ZBTB16: variants seen among roughly 807,000 people sequenced by gnomAD.
ZBTB16 encodes the protein zinc finger and BTB domain containing 16, also known as zinc finger and BTB domain-containing protein 16.
Under a neutral mutation model 56.8 loss-of-function variants are expected in ZBTB16, and 8 were observed. The ratio of observed to expected loss-of-function variants is 0.14; its 90% CI spans 0.08 to 0.25. ZBTB16 has a LOEUF of 0.25. Ranked by LOEUF, ZBTB16 falls within the 10% of genes least tolerant of loss-of-function variation. The pLI is 1.00. For missense variants in ZBTB16, 625 were observed against 903.0 expected (o/e 0.69, Z 3.95); for synonymous variants, 363 against 368.5 (o/e 0.98, Z 0.17).
rs1258517832 is a variant in ZBTB16, at chr11:114,252,081, AT to A, written c.*1527del. ...TGTGCAGGAGGAGTTGATACTCAGG[AT>A]CTGAATGTGAGGGCCGAGGAGGGCG... On this transcript the variant is annotated 3_prime_UTR_variant, in exon 7 of 7. Transcript: ENST00000335953. Among the ~76,000 whole-genome samples the A allele has an allele frequency of 6.6e-6, 1 of 152,016 alleles. No homozygotes were observed. The highest frequency in any genetic ancestry group is 1.9e-4 in the East Asian group (1 of 5,178).
chr11:114,112,587 C>T (rs1362875765), intron 2 of ZBTB16, among the ~76,000 whole-genome samples: 1 of 152,030 alleles, frequency 6.6e-6, no homozygotes, highest in Non-Finnish European at 1.5e-5. Context: ...AAATATTGTC[C>T]TTTTGGCATG....
At chr11:114,149,188 T>A (rs753520285) in intron 2 of ZBTB16, among the ~76,000 whole-genome samples, 1 of 152,078 alleles carries the variant, frequency 6.6e-6, no homozygotes, top group Non-Finnish European at 1.5e-5. Context: ...GTTGCAGAGG[T>A]GTCAAGTGAA....
intron 3 of ZBTB16, among the ~76,000 whole-genome samples, chr11:114,176,920 A>G (rs1830409418): frequency 6.6e-6 from 1 of 152,130 alleles, no homozygotes; most frequent in Admixed American, 6.5e-5. Context: ...TCCAGATAGC[A>G]TAATATCATG....
chr11:114,235,627 TTCC>T (rs1286690010), intron 4 of ZBTB16, among the ~76,000 whole-genome samples: 2 of 66,220 alleles, frequency 3.0e-5, no homozygotes, highest in East Asian at 4.9e-4. Flanking sequence ...TCCCTCTCCC[TTCC>T]TTTCTTTCTT....
Position 114,250,246 on chromosome 11 carries a change from G to A in ZBTB16, c.1793-80G>A. 1 of 1,519,338 alleles carries A rather than the reference G, an allele frequency of 6.6e-7. No homozygotes were observed. Among genetic ancestry groups the A allele is most frequent in the Non-Finnish European group, 9.0e-7 (1 of 1,108,088 alleles). The allele number at this position is 1,519,338 out of a possible 1,614,324, so 94.1% of individuals were successfully genotyped here. Reference sequence around the variant, plus strand: ...CCAGCTGGAGGAACCCAGCTTCCCTGGCACGCCTGAGGGTGACATGGTGCC... The same window carrying A: ...CCAGCTGGAGGAACCCAGCTTCCCTAGCACGCCTGAGGGTGACATGGTGCC... On this transcript the variant is annotated intron_variant, in intron 6 of 6. Transcript: ENST00000335953. This position sits in a 1 kb window ranked among gnomAD's most constrained non-coding sequence, Gnocchi z 6.0.
intron 3 of ZBTB16, among the ~76,000 whole-genome samples, chr11:114,172,055 T>C (rs890730861): frequency 6.6e-6 from 1 of 152,202 alleles, no homozygotes; most frequent in African/African-American, 2.4e-5. Flanking sequence ...TTCCAGGCCT[T>C]GGACGTGCCT....
chr11:114,167,375 C>T (rs1467593321), intron 3 of ZBTB16, among the ~76,000 whole-genome samples: 7 of 108,004 alleles, frequency 6.5e-5, no homozygotes, highest in Admixed American at 1.0e-4. Context: ...GAAACCAGGG[C>T]GAGTTTTTTT....
intron 2 of ZBTB16, among the ~76,000 whole-genome samples, chr11:114,095,258 T>TCTTTC (rs1565622481): frequency 2.2e-5 from 3 of 134,986 alleles, no homozygotes; most frequent in Admixed American, 7.3e-5. Flanking sequence ...TTTTTTTTTT[T>TCTTTC]TTTTTTTTTT....
At chr11:114,103,271 T>C (rs1283997045) in intron 2 of ZBTB16, among the ~76,000 whole-genome samples, 2 of 152,140 alleles carry the variant, frequency 1.3e-5, no homozygotes, top group Non-Finnish European at 2.9e-5. Flanking sequence ...TGACCTGGAA[T>C]TCAGAAGGTG....
At chr11:114,223,451 A>G (rs1944276762) in intron 4 of ZBTB16, among the ~76,000 whole-genome samples, 1 of 152,238 alleles carries the variant, frequency 6.6e-6, no homozygotes, top group Admixed American at 6.5e-5. Flanking sequence ...GAAGTTGGTC[A>G]GAGTCAGATA....
chr11:114,204,605 C>T (rs1943813720), intron 4 of ZBTB16, among the ~76,000 whole-genome samples: 1 of 152,124 alleles, frequency 6.6e-6, no homozygotes, highest in Non-Finnish European at 1.5e-5. Flanking sequence ...TCTGATGTTC[C>T]TTACTTGTGC....
At chr11:114,192,487 C>G (rs999001102) in intron 4 of ZBTB16, among the ~76,000 whole-genome samples, 3 of 152,146 alleles carry the variant, frequency 2.0e-5, no homozygotes, top group African/African-American at 7.2e-5. Context: ...AGGAAGAACA[C>G]CAGTCAGCTG....
chr11:114,162,915 C>T (rs1433238894), intron 3 of ZBTB16, among the ~76,000 whole-genome samples: 2 of 152,104 alleles, frequency 1.3e-5, no homozygotes, highest in East Asian at 1.9e-4. Context: ...GCTTGCTTCC[C>T]GAACTTTTTC....
chr11:114,079,689 A>T (rs921377299), intron 2 of ZBTB16, among the ~76,000 whole-genome samples: 2 of 152,196 alleles, frequency 1.3e-5, no homozygotes, highest in South Asian at 4.1e-4. Flanking sequence ...TCTGTTGACT[A>T]TAGTGAGTGA....
At chr11:114,105,200 C>T (rs767568607) in intron 2 of ZBTB16, among the ~76,000 whole-genome samples, 3 of 151,790 alleles carry the variant, frequency 2.0e-5, no homozygotes, top group Middle Eastern at 3.4e-3. Flanking sequence ...GAGCCTGGCT[C>T]GACAGCCCAA....
At chr11:114,167,243 T>TTTG (rs1942796346) in intron 3 of ZBTB16, among the ~76,000 whole-genome samples, 4 of 139,102 alleles carry the variant, frequency 2.9e-5, no homozygotes, top group South Asian at 2.4e-4. Context: ...TTTTTTTTTT[T>TTTG]TTTTTTTTTT....
At position 114,253,891 on chromosome 11, in the gene ZBTB16, C is replaced by T. The variant is rs1944957348; in HGVS notation, c.*3336C>T. ...CAGGTGGGATCTGAATATCTGTCCTCCCCTCTTCTTCATGCCACCTGACTC... is the reference window on the plus strand; with the variant it reads ...CAGGTGGGATCTGAATATCTGTCCTTCCCTCTTCTTCATGCCACCTGACTC... On this transcript the variant is annotated 3_prime_UTR_variant, in exon 7 of 7. Transcript: ENST00000335953. 6.6e-6 allele frequency among the ~76,000 whole-genome samples: 1 copy of T among 152,136 alleles called. No individual in the cohort carries two copies. The highest frequency in any genetic ancestry group is 1.5e-5 in the Non-Finnish European group (1 of 68,036).
At chr11:114,125,692 C>A (rs981338579) in intron 2 of ZBTB16, among the ~76,000 whole-genome samples, 2 of 152,096 alleles carry the variant, frequency 1.3e-5, no homozygotes, top group Non-Finnish European at 2.9e-5. Context: ...CTCCTGGCCT[C>A]CTTTGGTTTT....
rs148457066 is a variant in ZBTB16 at position 114,135,125 on chromosome 11, G to A, written c.1269-21212G>A. ...ACAGATACAGCTAGTGGATCATGCC[G>A]GGGGGAACTATACATTCCAGTGCTC... On this transcript the variant is annotated intron_variant, in intron 2 of 6. Coordinates refer to ENST00000335953, the MANE Select transcript of ZBTB16 (RefSeq NM_006006.6). 4.1e-3 allele frequency among the ~76,000 whole-genome samples: 622 copies of A among 152,270 alleles called. 2 individuals are homozygous for A. The highest frequency in any genetic ancestry group is 0.013 in the African/African-American group (538 of 41,552).
Sources: gnomAD v4.1 joint callset for allele counts (sites outside exome capture counted in the v4.1 genomes callset) on GRCh38, gnomAD v4.1.1 for gene constraint, Gnocchi (gnomAD v3.1) non-coding constraint, MANE v1.5 for transcripts, NCBI Gene and HGNC (gene_info 2026-07-23, HGNC 2026-07-21) for gene names.